Variants in MTMR11 observed in about 807,000 individuals in gnomAD.
MTMR11 encodes myotubularin related protein 11, also known as myotubularin-related protein 11.
MTMR11 carries 89 observed loss-of-function variants against 100.0 expected under a neutral mutation model. That is an observed-to-expected ratio of 0.89 (90% CI 0.75 to 1.06). MTMR11 has a LOEUF of 1.06. MTMR11 is among the 50% of genes least tolerant of loss of function. MTMR11 has a pLI of 0.00. For synonymous variants in MTMR11, 336 were observed against 326.3 expected (o/e 1.03, Z -0.32); for missense variants, 809 against 873.7 (o/e 0.93, Z 0.93).
chr1:149,936,761 TA>T lies in MTMR11; in HGVS notation c.-115del, dbSNP rs1244088064. ...AGAAGAGGGGTGTTAGGGAGAGGGG[TA>T]GGGGGTTGGACACAAGGGAAAGGAG... On this transcript the variant is annotated 5_prime_UTR_variant, in exon 1 of 17. An upstream open reading frame in the 5' UTR gains an earlier in-frame stop. Transcript: ENST00000439741. 5 of 737,674 alleles carry T rather than the reference TA, an allele frequency of 6.8e-6. No homozygotes were observed. Among genetic ancestry groups the T allele is most frequent in the African/African-American group, 1.8e-5 (1 of 56,252 alleles). The allele number at this position is 737,674 out of a possible 1,614,324, so 45.7% of individuals were successfully genotyped here. A position where few individuals can be genotyped will look rare whatever the true frequency, so the allele number is the denominator to read the frequency against.
intron 13 of MTMR11, 114 bp downstream of exon 13, chr1:149,931,146 C>G (rs782449137): frequency 1.4e-6 from 2 of 1,471,914 alleles, no homozygotes; most frequent in Non-Finnish European, 1.8e-6. Context: ...TCGTCCCAGC[C>G]TAACCTCGGG....
rs2092706327 is a variant in MTMR11 at position 149,935,137 on chromosome 1, A to G, written c.326-9T>C. ...TCGGGACAAGCCGCTCACTGAAGTC[A>G]AGAGGTACAGAACAGTGTAACCATG... On this transcript the variant is annotated splice_polypyrimidine_tract_variant and intron_variant, in intron 4 of 16. Transcript: ENST00000439741. The G allele has an allele frequency of 6.2e-7, 1 of 1,614,092 alleles. No homozygotes were observed. Among genetic ancestry groups the G allele is most frequent in the Non-Finnish European group, 8.5e-7 (1 of 1,179,976 alleles).
rs782793685 is a variant in MTMR11, at chr1:149,935,285, C to T, written c.325+14G>A. ...CCCCAGTGAACCCCTTCACCAAACCCCCCCCCAACTTACCAGCCTCTAATC... is the reference window on the plus strand; with the variant it reads ...CCCCAGTGAACCCCTTCACCAAACCTCCCCCCAACTTACCAGCCTCTAATC... On this transcript the variant is annotated intron_variant, in intron 4 of 16. Transcript: ENST00000439741. The T allele has an allele frequency of 3.7e-6, 6 of 1,612,800 alleles. No individual in the cohort carries two copies. The highest frequency in any genetic ancestry group is 1.7e-5 in the Admixed American group (1 of 59,952).
rs1343918245 is a variant in MTMR11 at position 149,935,188 on chromosome 1, C to A, written c.326-60G>T. 43 of 1,610,132 alleles carry A rather than the reference C, an allele frequency of 2.7e-5. 1 individual carries two copies. The highest frequency in any genetic ancestry group is 3.3e-4 in the Middle Eastern group (2 of 6,030). ...GACCAGAGTCTCTCCAGAAGGGACT[C>A]TTGCAGCCCATCCCACTCCATCCCT... is the stretch of plus-strand genomic sequence containing the variant. On this transcript the variant is annotated intron_variant, in intron 4 of 16. Coordinates refer to ENST00000439741, the MANE Select transcript of MTMR11 (RefSeq NM_001145862.2).
chr1:149,931,385 C>A lies in MTMR11; in HGVS notation c.1165G>T (p.Val389Phe). ...GCTTCGGGGGCTGAAAGCAGCTGGA[C>A]GAGTGAAGAGAGGAGGCCATTGAGA... ...RDLNGLLSSL[V>F]QLLSAPEART... Residue 389 changes from valine (V) to phenylalanine (F), a missense_variant, in exon 13 of 17, where the codon GTC (valine) becomes TTC (phenylalanine). Coordinates refer to ENST00000439741, the MANE Select transcript of MTMR11 (RefSeq NM_001145862.2). 19 of 1,612,282 alleles carry A rather than the reference C, an allele frequency of 1.2e-5. No homozygotes were observed. Among genetic ancestry groups the A allele is most frequent in the Non-Finnish European group, 1.6e-5 (19 of 1,179,284 alleles).
At position 149,934,605 on chromosome 1, in the gene MTMR11, C is replaced by T. The variant is rs2092701036; in HGVS notation, c.469-79G>A. 3 of 1,418,558 alleles carry T rather than the reference C, an allele frequency of 2.1e-6. No individual in the cohort carries two copies. The South Asian group carries it at 3.6e-5, about 17-fold the overall frequency. The allele number at this position is 1,418,558 out of a possible 1,614,324, so 87.9% of individuals were successfully genotyped here. ...AAGGAAATGGAGCCCATGTGTTGCT[C>T]CACTCTCTTTGCCAAGAATGAAGAA... On this transcript the variant is annotated intron_variant, in intron 5 of 16. Transcript: ENST00000439741.
chr1:149,930,801 C>T lies in MTMR11; in HGVS notation c.1455G>A (p.Gln485=), dbSNP rs782694163. The T allele has an allele frequency of 1.9e-6, 3 of 1,571,640 alleles. 1 individual carries two copies. In the Admixed American group the frequency reaches 6.1e-5, roughly 32 times the overall value. ...LRNTPWERGK[Q]SGQLNSYTQV... ...AATAGAAGTCACTGACCTGTCCGCTCTGCTTTCCGCGCTCCCAGGGGGTAT... is the reference window on the plus strand; with the variant it reads ...AATAGAAGTCACTGACCTGTCCGCTTTGCTTTCCGCGCTCCCAGGGGGTAT... The change falls in exon 14 of 17, where the codon CAG becomes CAA. Residue 485 remains glutamine (Q), a synonymous_variant. Transcript: ENST00000439741.
At chr1:149,931,144 GC>G in intron 13 of MTMR11, 115 bp downstream of exon 13, 1 of 1,460,834 alleles carries the variant, frequency 6.8e-7, no homozygotes, top group South Asian at 1.3e-5. Context: ...CTTCGTCCCA[GC>G]CTAACCTCGG....
Position 149,931,439 on chromosome 1 carries a change from G to C in MTMR11, c.1124-13C>G. 1.3e-6 allele frequency: 2 copies of C among 1,569,108 alleles called. No homozygotes were observed. Among genetic ancestry groups the C allele is most frequent in the Non-Finnish European group, 1.7e-6 (2 of 1,159,242 alleles). Reference sequence around the variant, plus strand: ...CGATCACCGCGCTCTGGGTGATAAAGAGGAAGAAGGGACAAAGAAGAGGGG... The same window carrying C: ...CGATCACCGCGCTCTGGGTGATAAACAGGAAGAAGGGACAAAGAAGAGGGG... On this transcript the variant is annotated splice_polypyrimidine_tract_variant and intron_variant, in intron 12 of 16. Transcript: ENST00000439741.
chr1:149,933,116 T>G (rs1329245916), intron 10 of MTMR11, among the ~76,000 whole-genome samples: 4 of 151,358 alleles, frequency 2.6e-5, no homozygotes, highest in African/African-American at 4.8e-5. Flanking sequence ...CCAGCTAATT[T>G]TGTGTGTGTG....
rs587740156 is a variant in MTMR11 at position 149,928,877 on chromosome 1, G to A, written c.*252C>T. 36 of 1,613,718 alleles carry A rather than the reference G, an allele frequency of 2.2e-5. 1 individual carries two copies. The South Asian group carries it at 3.7e-4, about 17-fold the overall frequency. On this transcript the variant is annotated 3_prime_UTR_variant, in exon 17 of 17. Coordinates refer to ENST00000439741, the MANE Select transcript of MTMR11 (RefSeq NM_001145862.2). ...CTCTGATCTCATGATTTAACATCTG[G>A]TTATCCAGAAGGGATGGGATTGGCC...
chr1:149,933,388 G>T lies in MTMR11; in HGVS notation c.985+18C>A, dbSNP rs2092685299. The T allele has an allele frequency of 6.2e-7, 1 of 1,613,812 alleles. No individual in the cohort carries two copies. Among genetic ancestry groups the T allele is most frequent in the African/African-American group, 1.3e-5 (1 of 74,912 alleles). ...CTAGGGGTGAGGGTGAGGGTTAGGGGTCAAAGGTTATTCTCACCAGGCAGG... is the reference window on the plus strand; with the variant it reads ...CTAGGGGTGAGGGTGAGGGTTAGGGTTCAAAGGTTATTCTCACCAGGCAGG... On this transcript the variant is annotated intron_variant, in intron 10 of 16. Coordinates refer to ENST00000439741, the MANE Select transcript of MTMR11 (RefSeq NM_001145862.2).
At chr1:149,933,990 A>G in intron 7 of MTMR11, 48 bp from the exon 8 acceptor site, 2 of 1,572,716 alleles carry the variant, frequency 1.3e-6, no homozygotes, top group Non-Finnish European at 1.8e-6. Flanking sequence ...ACTTCATTAT[A>G]ATGGAAAGCT....
intron 14 of MTMR11, 99 bp from the exon 15 acceptor site, chr1:149,930,646 G>A: frequency 7.2e-7 from 1 of 1,382,302 alleles, no homozygotes; most frequent in East Asian, 2.3e-5. Flanking sequence ...GAAAGATGTA[G>A]GGCAAAAGTC....
chr1:149,930,908 C>G lies in MTMR11; in HGVS notation c.1348G>C (p.Ala450Pro), dbSNP rs782185987. The G allele has an allele frequency of 2.5e-6, 4 of 1,613,022 alleles. No homozygotes were observed. The African/African-American group carries it at 4.0e-5, about 16-fold the overall frequency. Reference protein sequence around the residue: ...CVWQLLQQFPADFEFSEFFLL... With the variant: ...CVWQLLQQFPPDFEFSEFFLL... ...AAAAACTCAGAGAATTCAAAATCAG[C>G]TGGAAACTGCTGGAGGAGCTGCCAG... The change falls in exon 14 of 17, where the codon GCT becomes CCT. Residue 450 changes from alanine to proline, a missense_variant. Transcript: ENST00000439741.
chr1:149,930,646 G>C, intron 14 of MTMR11, 99 bp from the exon 15 acceptor site: 2 of 1,382,302 alleles, frequency 1.4e-6, no homozygotes, highest in Non-Finnish European at 2.0e-6. Context: ...GAAAGATGTA[G>C]GGCAAAAGTC....
intron 2 of MTMR11, 100 bp from the exon 3 acceptor site, chr1:149,935,805 AT>A: frequency 7.3e-7 from 1 of 1,367,990 alleles, no homozygotes; most frequent in Non-Finnish European, 9.8e-7. Flanking sequence ...AATAGGGAAG[AT>A]TAAAATCCTC....
At chr1:149,936,527 A>C in intron 1 of MTMR11, 55 bp downstream of exon 1, 1 of 1,337,324 alleles carries the variant, frequency 7.5e-7, no homozygotes, top group Admixed American at 2.1e-5. Flanking sequence ...TTTTATCTCC[A>C]CCTCATCCCC....
rs1553768753 is a variant in MTMR11, at chr1:149,935,138, A to C, written c.326-10T>G. 6.2e-7 allele frequency: 1 copy of C among 1,614,104 alleles called. No individual in the cohort carries two copies. Among genetic ancestry groups the C allele is most frequent in the East Asian group, 2.2e-5 (1 of 44,882 alleles). On this transcript the variant is annotated splice_polypyrimidine_tract_variant and intron_variant, in intron 4 of 16. Transcript: ENST00000439741. ...CGGGACAAGCCGCTCACTGAAGTCA[A>C]GAGGTACAGAACAGTGTAACCATGG...
Sources: gnomAD v4.1 joint callset for allele counts (sites outside exome capture counted in the v4.1 genomes callset) on GRCh38, gnomAD v4.1.1 for gene constraint, MANE v1.5 for transcripts, NCBI Gene and HGNC (gene_info 2026-07-23, HGNC 2026-07-21) for gene names.